CADPS: variants seen among roughly 807,000 people sequenced by gnomAD.
CADPS encodes the protein calcium-dependent secretion activator 1.
In CADPS, 57 loss-of-function variants were observed where a neutral mutation model predicts 167.3. The ratio of observed to expected loss-of-function variants is 0.34; its 90% CI spans 0.28 to 0.42. CADPS has a LOEUF of 0.42. Ranked by LOEUF, CADPS falls within the 20% of genes least tolerant of loss-of-function variation. CADPS has a pLI of 1.00. For missense variants in CADPS, 1,414 were observed against 1,738.1 expected (o/e 0.81, Z 3.32); for synonymous variants, 676 against 635.3 (o/e 1.06, Z -0.96).
rs1383379875 is a variant in CADPS at position 62,699,928 on chromosome 3, G to A, written c.889-37534C>T. On this transcript the variant is annotated intron_variant, in intron 3 of 29. Coordinates refer to ENST00000383710, the MANE Select transcript of CADPS (RefSeq NM_003716.4). ...ACATATTGTCTATGGCTGCTTTTGT[G>A]CTATAAAAGCAGAGCTGAGTAGTTG... 1.4e-4 allele frequency among the ~76,000 whole-genome samples: 21 copies of A among 152,060 alleles called. 1 individual carries two copies. The highest frequency in any genetic ancestry group is 1.4e-3 in the Admixed American group (21 of 15,268).
At chr3:62,724,639 C>A (rs1341821331) in intron 3 of CADPS, among the ~76,000 whole-genome samples, 1 of 152,038 alleles carries the variant, frequency 6.6e-6, no homozygotes, top group Non-Finnish European at 1.5e-5. Flanking sequence ...TTATGCGTCA[C>A]ACACACACAG....
In CADPS at chr3:62,438,744, T is replaced by C. The variant is rs918984374; in HGVS notation, c.3670-533A>G. On this transcript the variant is annotated intron_variant, in intron 27 of 29. Transcript: ENST00000383710. The surrounding 1 kb of genome is among the most constrained non-coding windows in gnomAD (Gnocchi z 4.7). ...GTGTGTGTGTGTGTGTGTGTGTGTGTGTGTGTGTGTGTGTATAGCTTAACC... is the reference window on the plus strand; with the variant it reads ...GTGTGTGTGTGTGTGTGTGTGTGTGCGTGTGTGTGTGTGTATAGCTTAACC... The C allele has an allele frequency of 1.9e-5, 3 of 154,466 alleles. No individual in the cohort carries two copies. In the South Asian group the frequency reaches 6.1e-4, roughly 31 times the overall value. The allele number at this position is 154,466 out of a possible 1,614,324, so 9.6% of individuals were successfully genotyped here.
intron 3 of CADPS, among the ~76,000 whole-genome samples, chr3:62,747,673 A>C (rs911832846): frequency 6.6e-6 from 1 of 152,218 alleles, no homozygotes; most frequent in African/African-American, 2.4e-5. Flanking sequence ...GGTGTTTATA[A>C]ATTGAGAAAT....
At chr3:62,781,642 A>T (rs2091641300) in intron 1 of CADPS, among the ~76,000 whole-genome samples, 2 of 152,118 alleles carry the variant, frequency 1.3e-5, no homozygotes, top group Admixed American at 6.5e-5. Context: ...GCTAGAGAGA[A>T]AACTAATCCT....
intron 1 of CADPS, among the ~76,000 whole-genome samples, chr3:62,810,693 C>T (rs895327430): frequency 6.6e-6 from 1 of 152,184 alleles, no homozygotes. Context: ...AACTGAATAG[C>T]TGTATCCTAA....
chr3:62,789,193 G>C (rs1229960668), intron 1 of CADPS, among the ~76,000 whole-genome samples: 1 of 152,198 alleles, frequency 6.6e-6, no homozygotes, highest in East Asian at 1.9e-4. Flanking sequence ...ATCTGAGCTA[G>C]AGTTGGTGCC....
intron 1 of CADPS, among the ~76,000 whole-genome samples, chr3:62,773,904 C>T (rs986382102): frequency 2.0e-5 from 3 of 151,616 alleles, no homozygotes; most frequent in African/African-American, 7.3e-5. Flanking sequence ...AATAATAGAC[C>T]AATCAGCATG....
intron 4 of CADPS, among the ~76,000 whole-genome samples, chr3:62,658,785 C>T (rs1228957465): frequency 1.3e-5 from 2 of 152,074 alleles, no homozygotes; most frequent in Non-Finnish European, 2.9e-5. Flanking sequence ...ACCCCTTTTT[C>T]CATTGTAGAT....
In CADPS at chr3:62,851,855, C is replaced by T. The variant is rs374609809; in HGVS notation, c.441+22734G>A. 5.1e-4 allele frequency among the ~76,000 whole-genome samples: 77 copies of T among 151,704 alleles called. 1 individual carries two copies. Among genetic ancestry groups the T allele is most frequent in the African/African-American group, 1.6e-3 (67 of 41,204 alleles). ...AGATTGGGGAAGTTCTCCTGGATAACATCCTGCAGAGTGTTTTCCAACTTG... is the reference window on the plus strand; with the variant it reads ...AGATTGGGGAAGTTCTCCTGGATAATATCCTGCAGAGTGTTTTCCAACTTG... On this transcript the variant is annotated intron_variant, in intron 1 of 29. Transcript: ENST00000383710.
chr3:62,509,157 A>G (rs1455239671), intron 17 of CADPS, among the ~76,000 whole-genome samples: 4 of 152,010 alleles, frequency 2.6e-5, no homozygotes, highest in Admixed American at 6.6e-5. Flanking sequence ...ACAAAAAATT[A>G]GCTGGGCATG....
chr3:62,491,418 TAAC>T lies in CADPS; in HGVS notation c.2944_2946del (p.Val982del). 1 of 1,614,056 alleles carries T rather than the reference TAAC, an allele frequency of 6.2e-7. No individual in the cohort carries two copies. Reference sequence around the variant, plus strand: ...GAGGACTCCATCAGATCCACATATCTAACAACAAGTGGGGCAAACAGGTCTTGC... The same window carrying T: ...GAGGACTCCATCAGATCCACATATCTAACAAGTGGGGCAAACAGGTCTTGC... On this transcript the variant is annotated inframe_deletion, in exon 21 of 30. Transcript: ENST00000383710.
chr3:62,839,472 C>T (rs187223884), intron 1 of CADPS, among the ~76,000 whole-genome samples: 20 of 152,222 alleles, frequency 1.3e-4, no homozygotes, highest in South Asian at 6.2e-4. Context: ...ACGTGAAACA[C>T]CCCTGTAAGT....
chr3:62,666,599 A>G (rs1265634914), intron 3 of CADPS, among the ~76,000 whole-genome samples: 1 of 152,124 alleles, frequency 6.6e-6, no homozygotes, highest in Non-Finnish European at 1.5e-5. Flanking sequence ...TAATCTTCCT[A>G]CTAGAAGAGG....
intron 6 of CADPS, among the ~76,000 whole-genome samples, chr3:62,631,837 T>C (rs772437260): frequency 5.9e-5 from 9 of 152,172 alleles, no homozygotes; most frequent in Non-Finnish European, 1.3e-4. Flanking sequence ...AGCTTCCTAA[T>C]GGTAGAAGCC....
chr3:62,545,003 C>G, intron 11 of CADPS: 1 of 293,622 alleles, frequency 3.4e-6, no homozygotes, highest in Non-Finnish European at 5.6e-6. Flanking sequence ...TTAAACAAAA[C>G]AAAACAAAAA....
At chr3:62,510,196 A>ATCTATCTG (rs1306462298) in intron 17 of CADPS, among the ~76,000 whole-genome samples, 1 of 137,502 alleles carries the variant, frequency 7.3e-6, no homozygotes, top group African/African-American at 3.0e-5. Flanking sequence ...TTCTGCATCT[A>ATCTATCTG]TCTATCTATC....
At chr3:62,847,422 T>TC (rs1195701610) in intron 1 of CADPS, among the ~76,000 whole-genome samples, 14 of 36,522 alleles carry the variant, frequency 3.8e-4, no homozygotes, top group African/African-American at 1.6e-3. Flanking sequence ...ATGCTATCCC[T>TC]CCCCCCTCCC....
chr3:62,774,697 T>G (rs1462990122), intron 1 of CADPS, among the ~76,000 whole-genome samples: 1 of 152,194 alleles, frequency 6.6e-6, no homozygotes. Context: ...AAGAAATATC[T>G]TTTAGAGATG....
intron 10 of CADPS, among the ~76,000 whole-genome samples, chr3:62,553,513 G>A (rs2077638133): frequency 6.6e-6 from 1 of 152,156 alleles, no homozygotes; most frequent in African/African-American, 2.4e-5. Flanking sequence ...TATAACCACT[G>A]TGCTTTACTG....
Sources: allele counts gnomAD v4.1 joint callset (sites outside exome capture counted in the v4.1 genomes callset), GRCh38; gene constraint gnomAD v4.1.1; non-coding constraint Gnocchi (gnomAD v3.1); transcripts MANE v1.5; gene names NCBI Gene and HGNC (gene_info 2026-07-23, HGNC 2026-07-21).